Variants in MADD observed in about 807,000 individuals in gnomAD.
MADD encodes MAP kinase activating death domain.
MADD carries 109 observed loss-of-function variants against 176.7 expected under a neutral mutation model. The ratio of observed to expected loss-of-function variants is 0.62; its 90% CI spans 0.53 to 0.72. The LOEUF is 0.72. Among genes scored for constraint, MADD ranks in the 30% least tolerant of loss-of-function variants. The pLI is 0.00. For missense variants in MADD, 1,914 were observed against 2,045.5 expected (o/e 0.94, Z 1.24); for synonymous variants, 771 against 771.3 (o/e 1.00, Z 0.01).
At chr11:47,327,530 C>T (rs1204277755) in intron 31 of MADD, 2 of 985,298 alleles carry the variant, frequency 2.0e-6, no homozygotes, top group African/African-American at 3.5e-5. Flanking sequence ...CGAACCAGCT[C>T]CTCACACTGC....
intron 15 of MADD, among the ~76,000 whole-genome samples, chr11:47,287,491 C>G (rs964567339): frequency 3.3e-5 from 5 of 152,138 alleles, no homozygotes; most frequent in Non-Finnish European, 5.9e-5. Flanking sequence ...CTCACTGTAA[C>G]TGCCGCCATC....
intron 20 of MADD, among the ~76,000 whole-genome samples, chr11:47,295,261 C>T (rs761420306): frequency 4.6e-5 from 7 of 152,158 alleles, no homozygotes; most frequent in Non-Finnish European, 7.3e-5. Context: ...ATCCTCCCAC[C>T]TCAGCCTCCC....
At chr11:47,318,047 G>A (rs1309637215) in intron 27 of MADD, among the ~76,000 whole-genome samples, 1 of 152,136 alleles carries the variant, frequency 6.6e-6, no homozygotes, top group Non-Finnish European at 1.5e-5. Context: ...TGGGATTACA[G>A]GTGTGAGCCA....
chr11:47,290,202 C>T, exon 18 of MADD: 1 of 1,614,144 alleles, frequency 6.2e-7, no homozygotes, highest in Non-Finnish European at 8.5e-7. Context: ...AGTGTACAGT[C>T]CTCAGCTTGG....
chr11:47,284,486 AG>A lies in MADD; in HGVS notation c.2080del (p.Glu694LysfsTer40). On this transcript the variant is annotated frameshift_variant, in exon 12 of 33. Coordinates refer to ENST00000402192, the Ensembl canonical transcript of MADD. LOFTEE classifies it high-confidence loss of function. ...CCTGGCCCAGACAGTGAGAACTCTCAGGAAAACCCCCCACTGCGCTCCAGCT... is the reference window on the plus strand; with the variant it reads ...CCTGGCCCAGACAGTGAGAACTCTCAGAAAACCCCCCACTGCGCTCCAGCT... 6.2e-7 allele frequency: 1 copy of A among 1,614,014 alleles called. No homozygotes were observed. The highest frequency in any genetic ancestry group is 8.5e-7 in the Non-Finnish European group (1 of 1,179,908).
intron 22 of MADD, among the ~76,000 whole-genome samples, chr11:47,306,410 C>T (rs186619612): frequency 2.9e-4 from 44 of 152,304 alleles, no homozygotes; most frequent in African/African-American, 1.0e-3. Flanking sequence ...GCTGCACAGG[C>T]CACAGGGGCT....
chr11:47,307,809 T>C (rs1184320118), intron 22 of MADD, among the ~76,000 whole-genome samples: 1 of 152,102 alleles, frequency 6.6e-6, no homozygotes, highest in Non-Finnish European at 1.5e-5. Context: ...GCTGGGACTA[T>C]AGGTGCATGC....
At chr11:47,285,370 G>C (rs2059899751) in intron 13 of MADD, 81 bp from the exon 14 acceptor site, 1 of 1,590,654 alleles carries the variant, frequency 6.3e-7, no homozygotes, top group African/African-American at 1.3e-5. Context: ...AGTGGCAACT[G>C]TAGTATAGCA....
rs1593256014 is a variant in MADD, at chr11:47,296,090, C to A, written c.3642+35C>A. On this transcript the variant is annotated intron_variant, in intron 22 of 32. Coordinates refer to ENST00000402192, the Ensembl canonical transcript of MADD. Reference sequence around the variant, plus strand: ...GTTTATTAACAAAAGAAAACCATTTCTTTAATGGGGGAGGGAAGCAGGCAA... The same window carrying A: ...GTTTATTAACAAAAGAAAACCATTTATTTAATGGGGGAGGGAAGCAGGCAA... 4 of 1,602,718 alleles carry A rather than the reference C, an allele frequency of 2.5e-6. No individual in the cohort carries two copies. The East Asian group carries it at 6.7e-5, about 27-fold the overall frequency.
intron 30 of MADD, 160 bp downstream of exon 33, chr11:47,324,737 G>A: frequency 1.4e-6 from 1 of 711,562 alleles, no homozygotes. Context: ...CCAGGGGAGG[G>A]CACAGTGACG....
In MADD at chr11:47,284,291, C is replaced by T; in HGVS notation, c.1966+10C>T. On this transcript the variant is annotated intron_variant, in intron 11 of 32. Coordinates refer to ENST00000402192, the Ensembl canonical transcript of MADD. ...AATGGTGATACTCCCAGTAAGTGTG[C>T]TTGGGGAGATTGGCCAGCCCTGGGC... is the stretch of plus-strand genomic sequence containing the variant. 6.2e-7 allele frequency: 1 copy of T among 1,613,014 alleles called. No individual in the cohort carries two copies. Among genetic ancestry groups the T allele is most frequent in the African/African-American group, 1.3e-5 (1 of 75,016 alleles).
At chr11:47,269,311 C>A (rs1421351062), upstream of MADD, 1 of 152,260 alleles carries the variant, frequency 6.6e-6, no homozygotes, top group East Asian at 1.9e-4. Flanking sequence ...GCTTAGGCGC[C>A]CCCTTCCCCT....
At position 47,325,942 on chromosome 11, in the gene MADD, C is replaced by T. The variant is rs372414397; in HGVS notation, c.4543-796C>T. On this transcript the variant is annotated intron_variant, in intron 30 of 32. Coordinates refer to ENST00000402192, the Ensembl canonical transcript of MADD. The surrounding 1 kb of genome is among the most constrained non-coding windows in gnomAD (Gnocchi z 4.5). ...CACCTCACAGTTAGTAATGAGATAG[C>T]GACCTGCCCCCTATTCTGCCACACA... is the stretch of plus-strand genomic sequence containing the variant. Among the ~76,000 whole-genome samples the T allele has an allele frequency of 3.9e-5, 6 of 152,184 alleles. No individual in the cohort carries two copies. Among genetic ancestry groups the T allele is most frequent in the Non-Finnish European group, 8.8e-5 (6 of 68,030 alleles).
chr11:47,308,956 T>A lies in MADD; in HGVS notation c.3751+257T>A, dbSNP rs754966720. ...TTTCTTTCCTTTCTTGCTACCATGG[T>A]CCTTCCTGCTCTCAAATTGGCAGGA... On this transcript the variant is annotated intron_variant, in intron 23 of 32. Transcript: ENST00000402192. 9 of 1,606,092 alleles carry A rather than the reference T, an allele frequency of 5.6e-6. No homozygotes were observed. The East Asian group carries it at 1.6e-4, about 28-fold the overall frequency.
At position 47,292,542 on chromosome 11, in the gene MADD, G is replaced by T; in HGVS notation, c.3302-1341G>T. On this transcript the variant is annotated intron_variant, in intron 19 of 32. Transcript: ENST00000402192. Reference sequence around the variant, plus strand: ...TCCTGCTTGCATTGCATCTGGGGTAGAATTGTGGAACAAGCACCAGGAAGT... The same window carrying T: ...TCCTGCTTGCATTGCATCTGGGGTATAATTGTGGAACAAGCACCAGGAAGT... The T allele has an allele frequency of 2.5e-6, 4 of 1,613,912 alleles. No homozygotes were observed. Among genetic ancestry groups the T allele is most frequent in the Non-Finnish European group, 3.4e-6 (4 of 1,179,954 alleles).
At position 47,324,271 on chromosome 11, in the gene MADD, G is replaced by T; in HGVS notation, c.4369G>T (p.Glu1457Ter). The change falls in exon 29 of 33, where the codon GAG becomes TAG. Residue 1457 changes from glutamate (E) to a stop codon, truncating the protein, a stop_gained. Coordinates refer to ENST00000402192, the Ensembl canonical transcript of MADD. LOFTEE classifies it high-confidence loss of function. The stretch of plus-strand genomic sequence containing the variant: ...CTCTCCCCCTGTGCCACAGTGTCGG[G>T]AGCTGTACTACTGTGTGAAGGACAG... 1 of 1,614,110 alleles carries T rather than the reference G, an allele frequency of 6.2e-7. No homozygotes were observed.
intron 31 of MADD, chr11:47,328,418 C>A (rs753993): frequency 0.25 from 352,487 of 1,419,240 alleles, 51,719 homozygotes; most frequent in East Asian, 0.64. Flanking sequence ...ATCAAGTAAA[C>A]GCCACTGCGG....
exon 33 of MADD, chr11:47,329,291 T>A (rs1411669123): frequency 1.5e-6 from 1 of 681,362 alleles, no homozygotes; most frequent in East Asian, 2.6e-5. Context: ...CTTGGTTGGT[T>A]ACCGGTTATG....
exon 33 of MADD, chr11:47,329,487 C>G: frequency 3.8e-6 from 1 of 265,086 alleles, no homozygotes; most frequent in South Asian, 5.9e-5. Context: ...TATAACTGTC[C>G]ACTGCAAGAG....
Sources: gnomAD v4.1 joint callset for allele counts (sites outside exome capture counted in the v4.1 genomes callset) on GRCh38, gnomAD v4.1.1 for gene constraint, Gnocchi (gnomAD v3.1) non-coding constraint, MANE v1.5 for transcripts, NCBI Gene and HGNC (gene_info 2026-07-23, HGNC 2026-07-21) for gene names.